PRKCQ: variants seen among roughly 807,000 people sequenced by gnomAD.
The protein encoded by PRKCQ is protein kinase C theta, also known as protein kinase C theta type.
A neutral mutation model predicts 91.2 loss-of-function variants in PRKCQ; 41 were observed. The observed-to-expected ratio is 0.45, with a 90% confidence interval of 0.35 to 0.58. The LOEUF is 0.58. Ranked by LOEUF, PRKCQ falls within the 20% of genes least tolerant of loss-of-function variation. PRKCQ has a pLI of 0.00. For missense variants in PRKCQ, 673 were observed against 896.5 expected, an observed-to-expected ratio of 0.75 and a Z score of 3.18; for synonymous variants, 307 against 316.9, an observed-to-expected ratio of 0.97 and a Z score of 0.33.
At chr10:6,501,894 A>G (rs1837935496) in intron 4 of PRKCQ, among the ~76,000 whole-genome samples, 1 of 152,130 alleles carries the variant, frequency 6.6e-6, no homozygotes, top group Admixed American at 6.6e-5. Flanking sequence ...TATTGGAGGC[A>G]AGGTCAACCT....
intron 13 of PRKCQ, 134 bp downstream of exon 13, chr10:6,464,179 G>T: frequency 1.3e-6 from 1 of 769,298 alleles, no homozygotes; most frequent in Non-Finnish European, 2.2e-6. Flanking sequence ...GAAAACTGTC[G>T]CCTTGCTCGA....
intron 1 of PRKCQ, chr10:6,515,399 A>C: frequency 1.0e-6 from 1 of 985,416 alleles, no homozygotes; most frequent in Non-Finnish European, 1.2e-6. Flanking sequence ...GAAGTAACTC[A>C]AGAGTTAGTT....
intron 4 of PRKCQ, among the ~76,000 whole-genome samples, chr10:6,504,206 T>A (rs1838067327): frequency 6.6e-6 from 1 of 152,250 alleles, no homozygotes; most frequent in African/African-American, 2.4e-5. Flanking sequence ...TTTATTTTAT[T>A]CCTGTAGCTA....
At chr10:6,493,191 C>T (rs1236580239) in intron 7 of PRKCQ, among the ~76,000 whole-genome samples, 2 of 152,056 alleles carry the variant, frequency 1.3e-5, no homozygotes, top group Non-Finnish European at 1.5e-5. Context: ...ATGGGGCTGG[C>T]GAACACTTGA....
intron 3 of PRKCQ, among the ~76,000 whole-genome samples, chr10:6,510,244 G>A (rs900985471): frequency 2.6e-5 from 4 of 151,994 alleles, no homozygotes; most frequent in South Asian, 2.1e-4. Context: ...TTTTTTTAAC[G>A]CTTTGATTAT....
chr10:6,467,389 C>G (rs796065722), intron 12 of PRKCQ, among the ~76,000 whole-genome samples: 665 of 27,674 alleles, frequency 0.024, 2 homozygotes, highest in Admixed American at 0.026. Context: ...GAGAGACAGA[C>G]AGAGAGAGAG....
At chr10:6,528,523 G>A (rs1839278435) in intron 1 of PRKCQ, among the ~76,000 whole-genome samples, 1 of 152,064 alleles carries the variant, frequency 6.6e-6, no homozygotes, top group African/African-American at 2.4e-5. Context: ...CATCTCCATC[G>A]ATCTGGCCTT....
intron 4 of PRKCQ, among the ~76,000 whole-genome samples, chr10:6,506,514 C>G (rs762629520): frequency 1.3e-5 from 2 of 152,094 alleles, no homozygotes; most frequent in African/African-American, 2.4e-5. Flanking sequence ...ATCAGTGTGC[C>G]TTTTAAAGAA....
downstream of PRKCQ, among the ~76,000 whole-genome samples, chr10:6,423,927 C>A (rs986608377): frequency 6.6e-6 from 1 of 152,156 alleles, no homozygotes; most frequent in African/African-American, 2.4e-5. Context: ...GAGACGTGCT[C>A]ACCCACATCC....
intron 4 of PRKCQ, among the ~76,000 whole-genome samples, chr10:6,505,471 C>CTCCTTCCT (rs149390731): frequency 3.4e-5 from 5 of 146,680 alleles, no homozygotes; most frequent in South Asian, 2.2e-4. Flanking sequence ...GACCCTTTTT[C>CTCCTTCCT]TCCTTCCTTC....
chr10:6,492,629 G>T (rs188824426), intron 7 of PRKCQ, among the ~76,000 whole-genome samples: 1 of 152,250 alleles, frequency 6.6e-6, no homozygotes, highest in East Asian at 1.9e-4. Flanking sequence ...GGCTTATCGG[G>T]GTAGGGAGAG....
At chr10:6,425,002 C>T (rs571986694), downstream of PRKCQ, among the ~76,000 whole-genome samples, 5 of 152,210 alleles carry the variant, frequency 3.3e-5, no homozygotes, top group African/African-American at 7.2e-5. Flanking sequence ...CCCCGCACTG[C>T]GTCCCCTAGA....
At position 6,498,451 on chromosome 10, in the gene PRKCQ, T is replaced by A; in HGVS notation, c.487A>T (p.Thr163Ser). 1.2e-6 allele frequency: 2 copies of A among 1,614,188 alleles called. No homozygotes were observed. The highest frequency in any genetic ancestry group is 1.1e-5 in the South Asian group (1 of 91,084). ...GTGGGCTGTGGGAAGAAGGTGGCAG[T>A]GAACTCGTGGCACTTGACGTGGTGG... is the stretch of plus-strand genomic sequence containing the variant. ...KVHHVKCHEFTATFFPQPTFC... is the reference protein window; with the variant it reads ...KVHHVKCHEFSATFFPQPTFC... The change falls in exon 5 of 18, where the codon ACT becomes TCT. Residue 163 changes from threonine to serine, a missense_variant. By Grantham distance (58) the Thr-to-Ser change is moderately conservative. Coordinates refer to ENST00000263125, the MANE Select transcript of PRKCQ (RefSeq NM_006257.5).
intron 12 of PRKCQ, among the ~76,000 whole-genome samples, chr10:6,478,168 G>A (rs1836374962): frequency 6.6e-6 from 1 of 152,180 alleles, no homozygotes; most frequent in South Asian, 2.1e-4. Flanking sequence ...GTAAGAAAAT[G>A]TTCAAAATAG....
chr10:6,492,733 A>G (rs2031723), intron 7 of PRKCQ, among the ~76,000 whole-genome samples: 10,349 of 152,278 alleles, frequency 0.068, 456 homozygotes, highest in African/African-American at 0.12. Flanking sequence ...GAACAACAAA[A>G]CACTTGGATA....
At position 6,427,874 on chromosome 10, in the gene PRKCQ, C is replaced by G; in HGVS notation, c.*333G>C. On this transcript the variant is annotated 3_prime_UTR_variant, in exon 18 of 18. Coordinates refer to ENST00000263125, the MANE Select transcript of PRKCQ (RefSeq NM_006257.5). The stretch of plus-strand genomic sequence containing the variant: ...CATTTCATTGATCAGCAGTTGGCGC[C>G]CAGGTGAAGAGCCATAATTTATTGC... 3.8e-6 allele frequency: 1 copy of G among 266,154 alleles called. No individual in the cohort carries two copies. 16.5% of individuals were successfully genotyped at this position (266,154 alleles called of 1,614,324 possible). A position where few individuals can be genotyped will look rare whatever the true frequency, so the allele number is the denominator to read the frequency against.
chr10:6,442,119 T>C (rs1242938764), intron 15 of PRKCQ, 38 bp from the exon 16 acceptor site: 3 of 1,587,926 alleles, frequency 1.9e-6, no homozygotes, highest in Non-Finnish European at 1.7e-6. Flanking sequence ...TTAACAGGAA[T>C]GAGGCTGAGG....
intron 15 of PRKCQ, among the ~76,000 whole-genome samples, chr10:6,445,740 G>C (rs1588666985): frequency 1.3e-5 from 2 of 152,160 alleles, no homozygotes; most frequent in African/African-American, 4.8e-5. Flanking sequence ...AGAAAAAATA[G>C]GCTTTGCCTT....
At chr10:6,523,488 A>G (rs1352789817) in intron 1 of PRKCQ, among the ~76,000 whole-genome samples, 1 of 152,110 alleles carries the variant, frequency 6.6e-6, no homozygotes, top group Non-Finnish European at 1.5e-5. Context: ...AATTGAAGAT[A>G]ATATTTTAAA....
Sources: gnomAD v4.1 joint callset for allele counts (sites outside exome capture counted in the v4.1 genomes callset) on GRCh38, gnomAD v4.1.1 for gene constraint, MANE v1.5 for transcripts, NCBI Gene and HGNC (gene_info 2026-07-23, HGNC 2026-07-21) for gene names.